The following DLGAP1 variants were observed in gnomAD, a reference collection of about 807,000 sequenced individuals.
DLGAP1 encodes the protein disks large-associated protein 1.
A neutral mutation model predicts 90.8 loss-of-function variants in DLGAP1; 11 were observed. The ratio of observed to expected loss-of-function variants is 0.12; its 90% CI spans 0.08 to 0.20. The LOEUF (loss-of-function observed/expected upper bound fraction) is 0.20. Ranked by LOEUF, DLGAP1 falls within the 10% of genes least tolerant of loss-of-function variation. The pLI is 1.00. For missense variants in DLGAP1, 1,050 were observed against 1,333.8 expected, an observed-to-expected ratio of 0.79 and a Z score of 3.31; for synonymous variants, 558 against 540.7, an observed-to-expected ratio of 1.03 and a Z score of -0.44.
chr18:4,208,076 C>T (rs1486473543), intron 1 of DLGAP1, among the ~76,000 whole-genome samples: 6 of 152,224 alleles, frequency 3.9e-5, no homozygotes, highest in South Asian at 2.1e-4. Context: ...TACAGCTGCA[C>T]GGAGAAAATT....
rs1453524131 is a variant in DLGAP1, at chr18:4,318,383, A to C, written c.-267+136623T>G. Among the ~76,000 whole-genome samples, 5 of 152,334 alleles carry C rather than the reference A, an allele frequency of 3.3e-5. No homozygotes were observed. In the East Asian group the frequency reaches 9.7e-4, roughly 29 times the overall value. On this transcript the variant is annotated intron_variant, in intron 1 of 12. Coordinates refer to ENST00000315677, the MANE Select transcript of DLGAP1 (RefSeq NM_004746.4). ...TTAAGATGTGAGCTGTTAAACCATGAAGCTGCCCTGCTTGAAAAACGGTAG... is the reference window on the plus strand; with the variant it reads ...TTAAGATGTGAGCTGTTAAACCATGCAGCTGCCCTGCTTGAAAAACGGTAG...
chr18:3,548,788 G>C (rs1232672577), intron 9 of DLGAP1, among the ~76,000 whole-genome samples: 2 of 152,212 alleles, frequency 1.3e-5, no homozygotes, highest in African/African-American at 4.8e-5. Flanking sequence ...TGTAATTCCA[G>C]CACTTTTGGA....
intron 3 of DLGAP1, among the ~76,000 whole-genome samples, chr18:3,934,383 G>C: frequency 6.6e-6 from 1 of 152,122 alleles, no homozygotes; most frequent in East Asian, 1.9e-4. Context: ...ATCATCGACC[G>C]ATTCATTCCT....
intron 1 of DLGAP1, among the ~76,000 whole-genome samples, chr18:4,302,469 G>C (rs924072014): frequency 1.3e-5 from 2 of 151,886 alleles, no homozygotes; most frequent in African/African-American, 4.8e-5. Flanking sequence ...GCTTTTTTCT[G>C]GGCCTCTATT....
chr18:4,335,003 T>C (rs980122477), intron 1 of DLGAP1, among the ~76,000 whole-genome samples: 1 of 151,910 alleles, frequency 6.6e-6, no homozygotes, highest in African/African-American at 2.4e-5. Flanking sequence ...CATCATTTCA[T>C]GCAATAGCTG....
At chr18:3,915,991 C>T (rs1180788642) in intron 3 of DLGAP1, among the ~76,000 whole-genome samples, 1 of 152,092 alleles carries the variant, frequency 6.6e-6, no homozygotes, top group African/African-American at 2.4e-5. Flanking sequence ...TAGCAAGATG[C>T]CCATCAGCAG....
intron 10 of DLGAP1, among the ~76,000 whole-genome samples, chr18:3,524,735 A>C (rs1568129733): frequency 2.0e-5 from 3 of 152,140 alleles, no homozygotes; most frequent in Non-Finnish European, 4.4e-5. Context: ...AATAAATGAA[A>C]GTCATGTGGA....
chr18:4,053,181 A>G (rs1441833595), intron 2 of DLGAP1, among the ~76,000 whole-genome samples: 1 of 152,204 alleles, frequency 6.6e-6, no homozygotes, highest in Non-Finnish European at 1.5e-5. Context: ...ATAAAGGCAT[A>G]CCTGAGACTG....
intron 3 of DLGAP1, among the ~76,000 whole-genome samples, chr18:3,981,188 G>A (rs1364058006): frequency 2.0e-5 from 3 of 152,204 alleles, no homozygotes; most frequent in Non-Finnish European, 4.4e-5. Context: ...TCAGACGAAA[G>A]GGTATTTTAT....
At chr18:3,539,661 T>G (rs2052572657) in intron 9 of DLGAP1, among the ~76,000 whole-genome samples, 1 of 152,212 alleles carries the variant, frequency 6.6e-6, no homozygotes, top group African/African-American at 2.4e-5. Flanking sequence ...CATATATGGG[T>G]AAACTGAAGA....
intron 4 of DLGAP1, among the ~76,000 whole-genome samples, chr18:3,834,998 A>G (rs192500401): frequency 3.1e-4 from 47 of 152,314 alleles, no homozygotes; most frequent in Admixed American, 5.2e-4. Flanking sequence ...TCTTCAAAGA[A>G]TCGTCATTAC....
chr18:4,452,947 G>C (rs1435572780), intron 1 of DLGAP1, among the ~76,000 whole-genome samples: 1 of 152,098 alleles, frequency 6.6e-6, no homozygotes, highest in Non-Finnish European at 1.5e-5. Context: ...TTGAGATAAA[G>C]TATTGTATTT....
At chr18:3,911,601 C>T (rs140430759) in intron 3 of DLGAP1, among the ~76,000 whole-genome samples, 22 of 152,298 alleles carry the variant, frequency 1.4e-4, no homozygotes, top group Admixed American at 9.2e-4. Context: ...ATGGTATGCT[C>T]TAGCTAATTG....
intron 8 of DLGAP1, among the ~76,000 whole-genome samples, chr18:3,573,892 A>T (rs2145240318): frequency 6.6e-6 from 1 of 152,186 alleles, no homozygotes; most frequent in East Asian, 1.9e-4. Flanking sequence ...TGTAGAGACA[A>T]GGTCTCGTTA....
intron 4 of DLGAP1, among the ~76,000 whole-genome samples, chr18:3,865,089 C>T (rs1203971855): frequency 6.6e-6 from 1 of 152,122 alleles, no homozygotes; most frequent in Non-Finnish European, 1.5e-5. Flanking sequence ...TAAAATCACA[C>T]TGACTTATCT....
At chr18:3,732,096 T>C (rs1568032072) in intron 6 of DLGAP1, among the ~76,000 whole-genome samples, 2 of 152,236 alleles carry the variant, frequency 1.3e-5, no homozygotes, top group South Asian at 4.1e-4. Context: ...GACTTATCTA[T>C]TGAGCATCTA....
At chr18:3,758,805 T>C (rs1370928485) in intron 5 of DLGAP1, among the ~76,000 whole-genome samples, 1 of 152,240 alleles carries the variant, frequency 6.6e-6, no homozygotes, top group Non-Finnish European at 1.5e-5. Flanking sequence ...GATGCCCGAC[T>C]TTCTTCCTTT....
rs1281991775 is a variant in DLGAP1 at position 3,718,647 on chromosome 18, C to T, written c.1591+10488G>A. Among the ~76,000 whole-genome samples the T allele has an allele frequency of 2.0e-5, 3 of 151,820 alleles. No individual in the cohort carries two copies. In the East Asian group the frequency reaches 5.9e-4, roughly 30 times the overall value. On this transcript the variant is annotated intron_variant, in intron 7 of 12. Coordinates refer to ENST00000315677, the MANE Select transcript of DLGAP1 (RefSeq NM_004746.4). The stretch of plus-strand genomic sequence containing the variant: ...CACAGAAATAATGACTGAAAATGGC[C>T]AGGCACGGTGGCTCACGCCTGTAAT...
intron 3 of DLGAP1, among the ~76,000 whole-genome samples, chr18:3,994,195 G>C (rs757839918): frequency 6.6e-6 from 1 of 152,172 alleles, no homozygotes; most frequent in Non-Finnish European, 1.5e-5. Flanking sequence ...CGAGGGTGGG[G>C]GAGACAGCTC....
Sources: allele counts gnomAD v4.1 joint callset (sites outside exome capture counted in the v4.1 genomes callset), GRCh38; gene constraint gnomAD v4.1.1; transcripts MANE v1.5; gene names NCBI Gene and HGNC (gene_info 2026-07-23, HGNC 2026-07-21).